Variants in STAG1 observed in about 807,000 individuals in gnomAD.
STAG1 encodes the protein STAG1 cohesin complex component.
Under a neutral mutation model 170.9 loss-of-function variants are expected in STAG1, and 26 were observed. The observed-to-expected ratio is 0.15, with a 90% CI of 0.11 to 0.21. The LOEUF is 0.21. Among genes scored for constraint, STAG1 ranks in the 10% least tolerant of loss-of-function variants. The pLI, the probability that STAG1 is intolerant of heterozygous loss-of-function variation, is 1.00. For synonymous variants in STAG1, 514 were observed against 497.7 expected (o/e 1.03, Z -0.44); for missense variants, 964 against 1,509.5 (o/e 0.64, Z 5.99).
At chr3:136,466,501 C>A (rs181121395) in intron 12 of STAG1, among the ~76,000 whole-genome samples, 3 of 152,154 alleles carry the variant, frequency 2.0e-5, no homozygotes, top group Non-Finnish European at 4.4e-5. Context: ...TATGGGACTA[C>A]GTAAAAAGAC....
intron 1 of STAG1, among the ~76,000 whole-genome samples, chr3:136,733,267 G>C (rs1576826757): frequency 6.6e-6 from 1 of 151,598 alleles, no homozygotes; most frequent in East Asian, 2.0e-4. Flanking sequence ...GTATTTTTTT[G>C]TAGAGACAGG....
intron 21 of STAG1, among the ~76,000 whole-genome samples, chr3:136,399,322 A>C (rs1181092115): frequency 6.6e-6 from 1 of 152,220 alleles, no homozygotes; most frequent in Non-Finnish European, 1.5e-5. Flanking sequence ...ACCCACATCA[A>C]GAAATAAAAC....
At chr3:136,596,853 G>A (rs2107799174) in intron 4 of STAG1, among the ~76,000 whole-genome samples, 1 of 152,290 alleles carries the variant, frequency 6.6e-6, no homozygotes, top group Non-Finnish European at 1.5e-5. Flanking sequence ...CAGGCAGACT[G>A]CTTGAGGCCA....
At chr3:136,725,651 C>T (rs1373925812) in intron 1 of STAG1, among the ~76,000 whole-genome samples, 3 of 152,130 alleles carry the variant, frequency 2.0e-5, no homozygotes, top group Non-Finnish European at 4.4e-5. Flanking sequence ...GACAGCCTAT[C>T]ATATGCCACG....
chr3:136,602,140 G>C (rs1938703506), intron 4 of STAG1, among the ~76,000 whole-genome samples: 1 of 152,048 alleles, frequency 6.6e-6, no homozygotes, highest in African/African-American at 2.4e-5. Flanking sequence ...CAGCACTTTG[G>C]GAGGCCGAGG....
intron 16 of STAG1, among the ~76,000 whole-genome samples, chr3:136,427,560 A>G (rs2088168103): frequency 1.3e-5 from 2 of 152,176 alleles, no homozygotes; most frequent in Non-Finnish European, 2.9e-5. Context: ...AAGTTATTAC[A>G]AGAAAAAATT....
At chr3:136,479,050 T>A (rs6779734) in intron 9 of STAG1, among the ~76,000 whole-genome samples, 1,701 of 142,380 alleles carry the variant, frequency 0.012, 21 homozygotes, top group African/African-American at 0.045. Flanking sequence ...TGTTGGCTAT[T>A]ATAATCTTTC....
At chr3:136,750,665 G>A (rs1935181717) in intron 1 of STAG1, among the ~76,000 whole-genome samples, 1 of 152,210 alleles carries the variant, frequency 6.6e-6, no homozygotes, top group South Asian at 2.1e-4. Context: ...TTTACTCGAA[G>A]TACGTTTTAA....
chr3:136,677,281 A>G (rs1028234609), intron 1 of STAG1, among the ~76,000 whole-genome samples: 2 of 152,172 alleles, frequency 1.3e-5, no homozygotes, highest in Non-Finnish European at 2.9e-5. Context: ...AACGTTGACT[A>G]TTTTGTAGTT....
At chr3:136,370,365 A>T (rs182376913) in intron 23 of STAG1, among the ~76,000 whole-genome samples, 2 of 151,908 alleles carry the variant, frequency 1.3e-5, no homozygotes, top group Admixed American at 6.6e-5. Context: ...TTTTATTATT[A>T]TATTATTATT....
At chr3:136,750,679 T>C (rs943527447) in intron 1 of STAG1, among the ~76,000 whole-genome samples, 2 of 152,260 alleles carry the variant, frequency 1.3e-5, no homozygotes, top group African/African-American at 4.8e-5. Flanking sequence ...GTTTTAAATA[T>C]GTAAAGGAAA....
chr3:136,723,114 G>A (rs1484285014), intron 1 of STAG1, among the ~76,000 whole-genome samples: 1 of 151,582 alleles, frequency 6.6e-6, no homozygotes, highest in South Asian at 2.1e-4. Flanking sequence ...CGGCCGCAAC[G>A]CCGTCTGGGA....
At chr3:136,488,310 A>G (rs1403555295) in intron 9 of STAG1, among the ~76,000 whole-genome samples, 1 of 152,218 alleles carries the variant, frequency 6.6e-6, no homozygotes, top group South Asian at 2.1e-4. Flanking sequence ...TTTAGTAGAA[A>G]CAGGGTTTCG....
At chr3:136,549,380 G>T (rs746966944) in intron 5 of STAG1, among the ~76,000 whole-genome samples, 3 of 151,628 alleles carry the variant, frequency 2.0e-5, no homozygotes, top group African/African-American at 7.3e-5. Flanking sequence ...GTATGATCTC[G>T]GCTCACTGCA....
chr3:136,567,943 A>T (rs1483460268), intron 5 of STAG1, among the ~76,000 whole-genome samples: 1 of 152,114 alleles, frequency 6.6e-6, no homozygotes, highest in Non-Finnish European at 1.5e-5. Context: ...GCCTTTAAAA[A>T]TTACACATAC....
At chr3:136,464,210 G>A (rs955834301) in intron 13 of STAG1, among the ~76,000 whole-genome samples, 2 of 151,782 alleles carry the variant, frequency 1.3e-5, no homozygotes, top group African/African-American at 4.8e-5. Flanking sequence ...GATTACCTGA[G>A]GTCGGGAGTT....
At chr3:136,578,758 T>G (rs944730169) in intron 4 of STAG1, among the ~76,000 whole-genome samples, 6 of 152,230 alleles carry the variant, frequency 3.9e-5, no homozygotes, top group Admixed American at 3.9e-4. Context: ...TAATAGATGA[T>G]GGAGTTGTAA....
In STAG1 at chr3:136,444,797, T is replaced by G. The variant is rs535307415; in HGVS notation, c.1429-1393A>C. On this transcript the variant is annotated intron_variant, in intron 14 of 33. Transcript: ENST00000383202. ...GGTTATCTACTGTTATCTTGGCACA[T>G]TCAGCACTTGAGTTGGATTTCCTCC... Among the ~76,000 whole-genome samples, 14 of 152,344 alleles carry G rather than the reference T, an allele frequency of 9.2e-5. No individual in the cohort carries two copies. The South Asian group carries it at 2.7e-3, about 29-fold the overall frequency.
At chr3:136,523,215 T>G (rs1396898304) in intron 6 of STAG1, among the ~76,000 whole-genome samples, 2 of 152,156 alleles carry the variant, frequency 1.3e-5, no homozygotes. Context: ...TTTCTCCCCA[T>G]CCTCTTCAGT....
Sources: gnomAD v4.1 joint callset for allele counts (sites outside exome capture counted in the v4.1 genomes callset) on GRCh38, gnomAD v4.1.1 for gene constraint, MANE v1.5 for transcripts, NCBI Gene and HGNC (gene_info 2026-07-23, HGNC 2026-07-21) for gene names.